The following ARID2 variants were observed in gnomAD, a reference collection of about 807,000 sequenced individuals.
ARID2 encodes the protein AT-rich interactive domain-containing protein 2.
In ARID2, 32 loss-of-function variants were observed where a neutral mutation model predicts 184.6. That is an observed-to-expected ratio of 0.17 (90% CI 0.13 to 0.23). The LOEUF is 0.23. Ranked by LOEUF, ARID2 falls within the 10% of genes least tolerant of loss-of-function variation. The pLI, the probability that ARID2 is intolerant of heterozygous loss-of-function variation, is 1.00. For synonymous variants in ARID2, 836 were observed against 772.6 expected (o/e 1.08, Z -1.36); for missense variants, 1,696 against 2,197.6 (o/e 0.77, Z 4.56).
At chr12:45,737,643 G>A (rs926059582) in intron 3 of ARID2, among the ~76,000 whole-genome samples, 2 of 151,748 alleles carry the variant, frequency 1.3e-5, no homozygotes, top group African/African-American at 4.8e-5. Flanking sequence ...AGTGGTTTTA[G>A]GTATTAATAA....
chr12:45,896,568 C>T (rs567050876), intron 20 of ARID2, among the ~76,000 whole-genome samples: 1 of 152,330 alleles, frequency 6.6e-6, no homozygotes, highest in Non-Finnish European at 1.5e-5. Flanking sequence ...GTACTTTTCA[C>T]TTTCCACCAT....
At chr12:45,856,302 C>T (rs1414052342) in intron 15 of ARID2, among the ~76,000 whole-genome samples, 3 of 149,464 alleles carry the variant, frequency 2.0e-5, no homozygotes, top group African/African-American at 7.4e-5. Flanking sequence ...CTCCTGACCT[C>T]GTGATCCGCC....
intron 3 of ARID2, among the ~76,000 whole-genome samples, chr12:45,797,571 C>A (rs913529739): frequency 6.6e-5 from 10 of 152,106 alleles, no homozygotes; most frequent in Non-Finnish European, 2.9e-5. Context: ...CTTAGTCTTT[C>A]TTGGAGATAA....
chr12:45,806,455 G>T (rs574468207), intron 3 of ARID2, among the ~76,000 whole-genome samples: 1 of 151,704 alleles, frequency 6.6e-6, no homozygotes, highest in Non-Finnish European at 1.5e-5. Context: ...CATTTATTCC[G>T]GTCTCTCCTA....
chr12:45,841,086 G>A (rs1360527560), intron 11 of ARID2: 1 of 152,094 alleles, frequency 6.6e-6, no homozygotes, highest in African/African-American at 2.4e-5. Flanking sequence ...TTAAGTGGGA[G>A]GTGGGAATGT....
rs976591679 is a variant in ARID2, at chr12:45,851,904, C to T, written c.3781C>T (p.Arg1261Cys). ...KEATGLHVHE[R>C]KIEVMENPSC... Reference sequence around the variant, plus strand: ...AGCAACAGGTTTACATGTTCATGAACGTAAAATTGAAGTCATGGAGAACCC... The same window carrying T: ...AGCAACAGGTTTACATGTTCATGAATGTAAAATTGAAGTCATGGAGAACCC... Residue 1261 changes from arginine (R) to cysteine (C), a missense_variant, in exon 15 of 21, where the codon CGT becomes TGT. Arg to Cys is a radical substitution (Grantham distance 180). Transcript: ENST00000334344. 6.8e-6 allele frequency: 11 copies of T among 1,614,018 alleles called. No individual in the cohort carries two copies. The highest frequency in any genetic ancestry group is 9.3e-6 in the Non-Finnish European group (11 of 1,180,014).
intron 3 of ARID2, among the ~76,000 whole-genome samples, chr12:45,799,894 G>T (rs1942463077): frequency 6.6e-6 from 1 of 152,016 alleles, no homozygotes; most frequent in African/African-American, 2.4e-5. Context: ...TTGTTGCCCA[G>T]CCTGGAGTGT....
rs2138165006 is a variant in ARID2 at position 45,850,773 on chromosome 12, C to G, written c.2650C>G (p.Pro884Ala). Residue 884 changes from proline to alanine, a missense_variant, in exon 15 of 21, where the codon CCA (proline) becomes GCA (alanine). Transcript: ENST00000334344. ...TGQMVTIAGV[P>A]SPQASRVGFQ... ...ACAAATGGTTACTATTGCTGGTGTCCCAAGTCCACAAGCCTCAAGGGTAGG... is the reference window on the plus strand; with the variant it reads ...ACAAATGGTTACTATTGCTGGTGTCGCAAGTCCACAAGCCTCAAGGGTAGG... 2.5e-6 allele frequency: 4 copies of G among 1,613,996 alleles called. No individual in the cohort carries two copies. Among genetic ancestry groups the G allele is most frequent in the Non-Finnish European group, 3.4e-6 (4 of 1,179,974 alleles).
chr12:45,850,025 C>T lies in ARID2; in HGVS notation c.1913-11C>T, dbSNP rs750421888. On this transcript the variant is annotated splice_polypyrimidine_tract_variant and intron_variant, in intron 14 of 20. Coordinates refer to ENST00000334344, the MANE Select transcript of ARID2 (RefSeq NM_152641.4). ...TCATTTGGAATTTTGACGTTTTCTT[C>T]ATATTTTCAGGAATCCCTCATGGAT... 3.2e-6 allele frequency: 5 copies of T among 1,568,924 alleles called. No homozygotes were observed. The South Asian group carries it at 6.0e-5, about 19-fold the overall frequency.
intron 16 of ARID2, among the ~76,000 whole-genome samples, chr12:45,861,379 A>C (rs1176115125): frequency 6.6e-6 from 1 of 152,130 alleles, no homozygotes; most frequent in African/African-American, 2.4e-5. Flanking sequence ...TTTGGGATGG[A>C]TACCTATGAA....
intron 3 of ARID2, among the ~76,000 whole-genome samples, chr12:45,732,073 T>G (rs1013916148): frequency 2.7e-5 from 4 of 150,108 alleles, no homozygotes; most frequent in African/African-American, 4.9e-5. Context: ...GATTTAGCGT[T>G]TTTTTTTTTG....
At chr12:45,884,723 C>T (rs990160281) in intron 16 of ARID2, among the ~76,000 whole-genome samples, 2 of 152,128 alleles carry the variant, frequency 1.3e-5, no homozygotes, top group Non-Finnish European at 2.9e-5. Context: ...TTTGGATCAT[C>T]CCCCATATGA....
At position 45,735,418 on chromosome 12, in the gene ARID2, CGTGTGTGT is replaced by C. The variant is rs56133410; in HGVS notation, c.284+4139_284+4146del. Reference sequence around the variant, plus strand: ...TCAAATTTAACTTTATAAACTGTATCGTGTGTGTGTGTGTGTGTGTGTGTGTGTGTGTG... The same window carrying C: ...TCAAATTTAACTTTATAAACTGTATCGTGTGTGTGTGTGTGTGTGTGTGTG... On this transcript the variant is annotated intron_variant, in intron 3 of 20. Transcript: ENST00000334344. Among the ~76,000 whole-genome samples the C allele has an allele frequency of 6.6e-3, 927 of 141,382 alleles. 11 individuals are homozygous for C. Among genetic ancestry groups the C allele is most frequent in the African/African-American group, 0.023 (859 of 37,756 alleles). The allele number at this position is 141,382 out of a possible 152,430, so 92.8% of individuals were successfully genotyped here.
chr12:45,767,323 A>G (rs1265596849), intron 3 of ARID2, among the ~76,000 whole-genome samples: 3 of 152,038 alleles, frequency 2.0e-5, no homozygotes, highest in Admixed American at 6.5e-5. Context: ...CTCTCAGTCT[A>G]TGGCTTGTGC....
At position 45,852,524 on chromosome 12, in the gene ARID2, AGTT is replaced by A. The variant is rs1181347462; in HGVS notation, c.4404_4406del (p.Val1469del). The A allele has an allele frequency of 1.9e-6, 3 of 1,614,076 alleles. No homozygotes were observed. The Admixed American group carries it at 5.0e-5, about 27-fold the overall frequency. ...ATGTGCCTCAGCAACGCCCAAGTGT[AGTT>A]GTCTCACCACATTCTACAACCTCTG... On this transcript the variant is annotated inframe_deletion, in exon 15 of 21. Transcript: ENST00000334344.
At chr12:45,744,128 A>G (rs992895506) in intron 3 of ARID2, among the ~76,000 whole-genome samples, 2 of 152,134 alleles carry the variant, frequency 1.3e-5, no homozygotes, top group African/African-American at 4.8e-5. Flanking sequence ...CAGTATATCC[A>G]TGCAATGTTA....
intron 3 of ARID2, among the ~76,000 whole-genome samples, chr12:45,745,283 A>G (rs527412888): frequency 6.6e-6 from 1 of 152,346 alleles, no homozygotes; most frequent in South Asian, 2.1e-4. Context: ...GATTTGTAGT[A>G]TCGTCAGTCT....
intron 3 of ARID2, among the ~76,000 whole-genome samples, chr12:45,793,135 A>G (rs760370311): frequency 5.3e-5 from 8 of 152,032 alleles, no homozygotes; most frequent in Non-Finnish European, 1.2e-4. Context: ...CCCCATCTCT[A>G]CTAAAAATAC....
At chr12:45,791,647 G>A (rs542115618) in intron 3 of ARID2, among the ~76,000 whole-genome samples, 13 of 152,236 alleles carry the variant, frequency 8.5e-5, no homozygotes, top group African/African-American at 2.9e-4. Flanking sequence ...AGGCTGGAGT[G>A]TAGTGGCCCA....
Sources: gnomAD v4.1 joint callset for allele counts (sites outside exome capture counted in the v4.1 genomes callset) on GRCh38, gnomAD v4.1.1 for gene constraint, MANE v1.5 for transcripts, NCBI Gene and HGNC (gene_info 2026-07-23, HGNC 2026-07-21) for gene names.